The following PICALM variants were observed in gnomAD, a reference collection of about 807,000 sequenced individuals.
PICALM encodes phosphatidylinositol binding clathrin assembly protein.
Under a neutral mutation model 80.5 loss-of-function variants are expected in PICALM, and 40 were observed. That is an observed-to-expected ratio of 0.50 (90% CI 0.39 to 0.65). The LOEUF is 0.65. PICALM is among the 30% of genes least tolerant of loss of function. The probability of loss-of-function intolerance (pLI) is 0.00; values close to 1 mark genes in which losing one functional copy is unlikely to be tolerated. For synonymous variants in PICALM, 288 were observed against 260.3 expected, an observed-to-expected ratio of 1.11 and a Z score of -1.02; for missense variants, 676 against 778.9, an observed-to-expected ratio of 0.87 and a Z score of 1.57.
rs902126319 is a variant in PICALM at position 85,974,482 on chromosome 11, T to C, written c.1944+226A>G. 9.3e-6 allele frequency: 6 copies of C among 644,882 alleles called. No homozygotes were observed. The African/African-American group carries it at 1.1e-4, about 11-fold the overall frequency. 39.9% of individuals were successfully genotyped at this position (644,882 alleles called of 1,614,324 possible). ...ATCCTTTGGATCTACCAACTATAAG[T>C]TACCAAGAATTTTCTGTCTTTAGTA... On this transcript the variant is annotated intron_variant, in intron 19 of 19. Transcript: ENST00000393346.
chr11:86,047,059 G>C (rs2096084677), intron 1 of PICALM, among the ~76,000 whole-genome samples: 1 of 152,208 alleles, frequency 6.6e-6, no homozygotes, highest in South Asian at 2.1e-4. Flanking sequence ...TTAAATACTT[G>C]TCTAAAGTAG....
At chr11:86,006,673 T>C (rs1441000148) in intron 8 of PICALM, among the ~76,000 whole-genome samples, 3 of 152,056 alleles carry the variant, frequency 2.0e-5, no homozygotes. Context: ...CAAAAAAATG[T>C]CCTGGAATAA....
At chr11:85,982,423 C>CTTGTTTTTTTTTT (rs2094466629) in intron 14 of PICALM, among the ~76,000 whole-genome samples, 1 of 70,170 alleles carries the variant, frequency 1.4e-5, no homozygotes, top group Non-Finnish European at 2.6e-5. Context: ...ATTTTATAGA[C>CTTGTTTTTTTTTT]TTTTTTTTTT....
intron 2 of PICALM, among the ~76,000 whole-genome samples, chr11:86,027,466 AACTAGGATGTAC>A (rs1425505690): frequency 2.6e-5 from 4 of 151,170 alleles, no homozygotes; most frequent in Admixed American, 1.3e-4. Context: ...GCTAATAATC[AACTAGGATGTAC>A]ACCATCACCT....
intron 1 of PICALM, among the ~76,000 whole-genome samples, chr11:86,062,837 T>C (rs910377065): frequency 2.0e-5 from 3 of 152,212 alleles, no homozygotes; most frequent in African/African-American, 7.2e-5. Context: ...GAGAAACGTA[T>C]AAAGCAGTTT....
chr11:86,037,291 A>G (rs1593200641), intron 1 of PICALM, among the ~76,000 whole-genome samples: 2 of 107,580 alleles, frequency 1.9e-5, no homozygotes, highest in Admixed American at 1.2e-4. Context: ...ACGGAGTCTC[A>G]CTCTATCGCC....
intron 18 of PICALM, among the ~76,000 whole-genome samples, chr11:85,976,212 C>T (rs963969986): frequency 4.6e-5 from 7 of 152,232 alleles, no homozygotes; most frequent in African/African-American, 1.4e-4. Context: ...TAATCATTGT[C>T]ACAGGAAAAT....
chr11:86,055,741 T>G (rs1448376025), intron 1 of PICALM, among the ~76,000 whole-genome samples: 3 of 152,190 alleles, frequency 2.0e-5, no homozygotes, highest in Middle Eastern at 3.2e-3. Flanking sequence ...ATCTTAAATC[T>G]AAGAGCTAAA....
intron 18 of PICALM, among the ~76,000 whole-genome samples, chr11:85,975,170 G>A (rs1017442015): frequency 1.3e-5 from 2 of 152,084 alleles, no homozygotes; most frequent in Admixed American, 1.3e-4. Context: ...CTCTGTCTTC[G>A]CTGCTAAGAA....
intron 13 of PICALM, among the ~76,000 whole-genome samples, chr11:85,987,996 G>A (rs980196312): frequency 3.3e-5 from 5 of 152,146 alleles, no homozygotes; most frequent in African/African-American, 9.7e-5. Context: ...ACCATCAAAT[G>A]CCCTAATAAA....
rs1458992946 is a variant in PICALM at position 86,001,114 on chromosome 11, C to G, written c.938G>C (p.Gly313Ala). ...TTCATCCACTTTGGTCAGAGATAGA[C>G]CAGTGCTTGCCAGGGAAGACACTGC... Reference protein sequence around the residue: ...SNAVSSLASTGLSLTKVDERE... With the variant: ...SNAVSSLASTALSLTKVDERE... Residue 313 changes from glycine to alanine, a missense_variant, in exon 10 of 20, where the codon GGT becomes GCT. Coordinates refer to ENST00000393346, the MANE Select transcript of PICALM (RefSeq NM_007166.4). 6.2e-7 allele frequency: 1 copy of G among 1,613,798 alleles called. No individual in the cohort carries two copies. The highest frequency in any genetic ancestry group is 8.5e-7 in the Non-Finnish European group (1 of 1,179,788).
At chr11:85,977,907 C>G (rs1347545096) in intron 17 of PICALM, among the ~76,000 whole-genome samples, 2 of 152,208 alleles carry the variant, frequency 1.3e-5, no homozygotes, top group East Asian at 3.8e-4. Context: ...AGAATCAATT[C>G]TGCAACACAC....
intron 1 of PICALM, among the ~76,000 whole-genome samples, chr11:86,040,095 A>T (rs2095930734): frequency 6.6e-6 from 1 of 152,032 alleles, no homozygotes. Context: ...GAGGAACGAA[A>T]GAAACAAACT....
At chr11:86,036,929 C>T (rs1295780802) in intron 1 of PICALM, among the ~76,000 whole-genome samples, 1 of 129,396 alleles carries the variant, frequency 7.7e-6, no homozygotes, top group Non-Finnish European at 1.6e-5. Flanking sequence ...CAGGGAGATC[C>T]TGTCTCAACA....
intron 17 of PICALM, chr11:85,976,946 A>G: frequency 3.7e-6 from 1 of 270,858 alleles, no homozygotes; most frequent in Non-Finnish European, 7.1e-6. Context: ...CATGCTTTTT[A>G]CAGCTTTAAA....
rs769572334 is a variant in PICALM, at chr11:85,959,064, GA to G, written c.1945-5del. On this transcript the variant is annotated splice_region_variant and splice_polypyrimidine_tract_variant and intron_variant, in intron 19 of 19. Transcript: ENST00000393346. ...CATCAAGTTACATAAACTGTATCTG[GA>G]AAAAAAAAGTGGGTATGTTAATTCA... 2.1e-4 allele frequency: 317 copies of G among 1,542,878 alleles called. No homozygotes were observed. The highest frequency in any genetic ancestry group is 4.2e-4 in the South Asian group (36 of 85,714).
intron 1 of PICALM, among the ~76,000 whole-genome samples, chr11:86,063,391 A>G (rs1337948122): frequency 3.9e-5 from 6 of 152,228 alleles, no homozygotes; most frequent in African/African-American, 1.4e-4. Flanking sequence ...ATAGATGCCC[A>G]AAGTCTTATA....
intron 19 of PICALM, among the ~76,000 whole-genome samples, chr11:85,959,525 C>T (rs371343388): frequency 1.5e-4 from 21 of 142,548 alleles, no homozygotes; most frequent in African/African-American, 4.7e-4. Flanking sequence ...CCTAGCTACT[C>T]GGGAGGCTGA....
chr11:85,975,419 C>G (rs1250648982), intron 18 of PICALM, among the ~76,000 whole-genome samples: 2 of 151,964 alleles, frequency 1.3e-5, no homozygotes, highest in African/African-American at 4.8e-5. Flanking sequence ...TAAAATTAAC[C>G]TAGTAAGTGA....
Sources: allele counts gnomAD v4.1 joint callset (sites outside exome capture counted in the v4.1 genomes callset), GRCh38; gene constraint gnomAD v4.1.1; transcripts MANE v1.5; gene names NCBI Gene and HGNC (gene_info 2026-07-23, HGNC 2026-07-21).